Variants in DNAH11 observed in about 807,000 individuals in gnomAD.
The protein encoded by DNAH11 is axonemal beta dynein heavy chain 11.
In DNAH11, 442 loss-of-function variants were observed where a neutral mutation model predicts 526.0. That is an observed-to-expected ratio of 0.84 (90% CI 0.78 to 0.91). The LOEUF (loss-of-function observed/expected upper bound fraction) is 0.91, where lower values mean the gene tolerates loss of function less well. DNAH11 is among the 40% of genes least tolerant of loss of function. The probability of loss-of-function intolerance (pLI) is 0.00; values close to 1 mark genes in which losing one functional copy is unlikely to be tolerated. For synonymous variants in DNAH11, 2,461 were observed against 1,935.9 expected, an observed-to-expected ratio of 1.27 and a Z score of -7.12; for missense variants, 6,989 against 5,448.7, an observed-to-expected ratio of 1.28 and a Z score of -8.90.
chr7:21,746,346 G>C (rs577105236), intron 51 of DNAH11, among the ~76,000 whole-genome samples: 1 of 151,756 alleles, frequency 6.6e-6, no homozygotes, highest in Non-Finnish European at 1.5e-5. Context: ...GCTCACACCT[G>C]TAATCCCAGC....
intron 54 of DNAH11, among the ~76,000 whole-genome samples, chr7:21,764,393 T>C (rs1700583151): frequency 1.3e-5 from 2 of 152,174 alleles, no homozygotes; most frequent in East Asian, 3.8e-4. Flanking sequence ...AATTGCCTGA[T>C]CTCAAAGTGT....
At chr7:21,744,317 T>G in intron 49 of DNAH11, 121 bp from the exon 50 acceptor site, 1 of 1,084,428 alleles carries the variant, frequency 9.2e-7, no homozygotes, top group Admixed American at 2.2e-5. Context: ...CGCACATTAC[T>G]ATTGATGATA....
intron 60 of DNAH11, among the ~76,000 whole-genome samples, chr7:21,788,622 A>T (rs1788296053): frequency 6.6e-6 from 1 of 152,196 alleles, no homozygotes; most frequent in Non-Finnish European, 1.5e-5. Context: ...CAGATGGTCC[A>T]TTCAAACAAC....
At chr7:21,732,831 C>A (rs1785438552) in intron 45 of DNAH11, among the ~76,000 whole-genome samples, 1 of 152,294 alleles carries the variant, frequency 6.6e-6, no homozygotes, top group African/African-American at 2.4e-5. Context: ...TCAAAGGAGG[C>A]AGGGACTTTC....
chr7:21,761,825 C>T (rs1173628431), intron 54 of DNAH11, among the ~76,000 whole-genome samples: 1 of 152,146 alleles, frequency 6.6e-6, no homozygotes. Context: ...TAATGGTTCT[C>T]TAAGTGACCA....
chr7:21,732,938 G>A (rs1785442240), intron 45 of DNAH11, among the ~76,000 whole-genome samples: 1 of 152,216 alleles, frequency 6.6e-6, no homozygotes. Flanking sequence ...TGTGCCACCT[G>A]TAACCCAGTC....
intron 14 of DNAH11, 107 bp from the exon 15 acceptor site, chr7:21,599,680 T>G (rs1389056777): frequency 1.2e-6 from 1 of 827,698 alleles, no homozygotes; most frequent in Non-Finnish European, 1.8e-6. Context: ...TCCTGTCTTG[T>G]GCACAACAAT....
chr7:21,572,010 C>T, intron 8 of DNAH11, 37 bp downstream of exon 8: 1 of 1,437,748 alleles, frequency 7.0e-7, no homozygotes, highest in Non-Finnish European at 9.1e-7. Flanking sequence ...TGCATGGGAT[C>T]CTATAATTTT....
intron 65 of DNAH11, among the ~76,000 whole-genome samples, chr7:21,826,623 C>T (rs1263061763): frequency 5.3e-5 from 8 of 151,276 alleles, no homozygotes; most frequent in African/African-American, 1.9e-4. Flanking sequence ...ATGTGACTAT[C>T]TCTGTGTAAC....
At chr7:21,816,207 C>G (rs899597467) in intron 63 of DNAH11, among the ~76,000 whole-genome samples, 1 of 152,164 alleles carries the variant, frequency 6.6e-6, no homozygotes, top group South Asian at 2.1e-4. Flanking sequence ...GGCAAAGTCT[C>G]TCTCAGTTGA....
intron 77 of DNAH11, 86 bp downstream of exon 77, chr7:21,892,753 T>C (rs1784371287): frequency 2.1e-6 from 3 of 1,431,134 alleles, no homozygotes; most frequent in Non-Finnish European, 2.8e-6. Context: ...TGCAAATCAA[T>C]AAGTTTTTAC....
chr7:21,850,113 T>G (rs1051623424), intron 66 of DNAH11, among the ~76,000 whole-genome samples: 1 of 151,876 alleles, frequency 6.6e-6, no homozygotes, highest in African/African-American at 2.4e-5. Context: ...TCCCAGCACT[T>G]TGGGAGGCCA....
rs2127982929 is a variant in DNAH11 at position 21,779,818 on chromosome 7, T to C, written c.9483+714T>C. The stretch of plus-strand genomic sequence containing the variant: ...ATTTTAATACATACTTGTTTAAAAA[T>C]TGAGTGTATATGTGTAAGGTAAAAA... On this transcript the variant is annotated intron_variant, in intron 57 of 81. Transcript: ENST00000409508. Among the ~76,000 whole-genome samples, 2 of 152,246 alleles carry C rather than the reference T, an allele frequency of 1.3e-5. 1 individual carries two copies. Among genetic ancestry groups the C allele is most frequent in the South Asian group, 4.1e-4 (2 of 4,830 alleles).
intron 36 of DNAH11, among the ~76,000 whole-genome samples, chr7:21,702,015 C>G (rs1490546233): frequency 6.6e-6 from 1 of 151,976 alleles, no homozygotes; most frequent in East Asian, 1.9e-4. Flanking sequence ...CCCAAGAAGA[C>G]AGTGAATATA....
chr7:21,811,764 G>C (rs1004330049), intron 63 of DNAH11, among the ~76,000 whole-genome samples: 4 of 152,100 alleles, frequency 2.6e-5, no homozygotes, highest in African/African-American at 9.7e-5. Flanking sequence ...TAAATAGTAG[G>C]GTAAAGTCCT....
chr7:21,683,242 A>G (rs1034885078), intron 31 of DNAH11, among the ~76,000 whole-genome samples: 2 of 152,214 alleles, frequency 1.3e-5, no homozygotes, highest in South Asian at 4.1e-4. Flanking sequence ...TGAAAGAGAC[A>G]GGGATTTTTA....
At chr7:21,632,296 GGA>G (rs1235177932) in intron 25 of DNAH11, among the ~76,000 whole-genome samples, 1 of 152,158 alleles carries the variant, frequency 6.6e-6, no homozygotes, top group Non-Finnish European at 1.5e-5. Flanking sequence ...CTGATGCCTT[GGA>G]TACATTTTCC....
chr7:21,637,592 G>A lies in DNAH11; in HGVS notation c.4726-19G>A, dbSNP rs374287247. 2.6e-5 allele frequency: 38 copies of A among 1,482,914 alleles called. No individual in the cohort carries two copies. The highest frequency in any genetic ancestry group is 9.7e-5 in the African/African-American group (7 of 72,090). The allele number at this position is 1,482,914 out of a possible 1,614,324, so 91.9% of individuals were successfully genotyped here. A position where few individuals can be genotyped will look rare whatever the true frequency, so the allele number is the denominator to read the frequency against. On this transcript the variant is annotated intron_variant, in intron 26 of 81. Transcript: ENST00000409508. ...AGATTGTTCTAATATCCACGGCCCC[G>A]TATTGTACTTTCATGCAGGAGTTAA...
chr7:21,670,520 T>C (rs1244713894), intron 30 of DNAH11, among the ~76,000 whole-genome samples: 1 of 152,200 alleles, frequency 6.6e-6, no homozygotes, highest in Non-Finnish European at 1.5e-5. Flanking sequence ...TTTCTTTTTG[T>C]TCTTTATTTC....
Sources: allele counts gnomAD v4.1 joint callset (sites outside exome capture counted in the v4.1 genomes callset), GRCh38; gene constraint gnomAD v4.1.1; transcripts MANE v1.5; gene names NCBI Gene and HGNC (gene_info 2026-07-23, HGNC 2026-07-21).